KRT73: variants seen among roughly 807,000 people sequenced by gnomAD.
KRT73 encodes the protein keratin, type II cytoskeletal 73.
A neutral mutation model predicts 47.2 loss-of-function variants in KRT73; 44 were observed. The observed-to-expected ratio is 0.93, with a 90% CI of 0.73 to 1.20. The LOEUF (loss-of-function observed/expected upper bound fraction) is 1.20. KRT73 is among the 50% of genes most tolerant of loss of function. The pLI, the probability that KRT73 is intolerant of heterozygous loss-of-function variation, is 0.00. For missense variants in KRT73, 713 were observed against 704.5 expected (o/e 1.01, Z -0.14); for synonymous variants, 285 against 291.3 (o/e 0.98, Z 0.22).
chr12:52,619,825 A>G (rs1047317192), upstream of KRT73, among the ~76,000 whole-genome samples: 6 of 152,190 alleles, frequency 3.9e-5, no homozygotes, highest in African/African-American at 1.2e-4. Flanking sequence ...TATCCATAGT[A>G]TAGAATTTCC....
At chr12:52,615,247 G>T (rs759622318) in intron 3 of KRT73, 32 bp downstream of exon 3, 38 of 1,594,348 alleles carry the variant, frequency 2.4e-5, no homozygotes, top group Non-Finnish European at 2.8e-5. Flanking sequence ...CCACTGCTGG[G>T]GGACTGAAGG....
At chr12:52,624,220 C>T in the KRT73 span, among the ~76,000 whole-genome samples, 1 of 151,832 alleles carries the variant, frequency 6.6e-6, no homozygotes, top group Non-Finnish European at 1.5e-5. Flanking sequence ...GAAGACATTC[C>T]TAATGTTTAT....
chr12:52,618,879 G>T (rs1940863213), upstream of KRT73, among the ~76,000 whole-genome samples: 1 of 152,246 alleles, frequency 6.6e-6, no homozygotes, highest in African/African-American at 2.4e-5. Flanking sequence ...GCCTGGGATT[G>T]TAGGGGTACA....
At chr12:52,618,683 C>T, upstream of KRT73, 1 of 689,252 alleles carries the variant, frequency 1.5e-6, no homozygotes, top group East Asian at 2.8e-5. Context: ...CATTTTCTCC[C>T]AGCAAAATCA....
In KRT73 at chr12:52,608,388, A is replaced by G. The variant is rs1453538435; in HGVS notation, c.1431T>C (p.Ala477=). 1.9e-6 allele frequency: 3 copies of G among 1,612,892 alleles called. No individual in the cohort carries two copies. Among genetic ancestry groups the G allele is most frequent in the Admixed American group, 3.3e-5 (2 of 60,000 alleles). Reference sequence around the variant, plus strand: ...AGCTGGGCCAGTAGCCGTAGGTGCCAGCATTGCTGAATCCAAAGCCAGCCC... The same window carrying G: ...AGCTGGGCCAGTAGCCGTAGGTGCCGGCATTGCTGAATCCAAAGCCAGCCC... The part of the protein sequence containing the change: ...GTGAGFGFSN[A]GTYGYWPSSV... Residue 477 remains alanine, a synonymous_variant, in exon 9 of 9, where the codon GCT becomes GCC. Transcript: ENST00000305748.
upstream of KRT73, among the ~76,000 whole-genome samples, chr12:52,620,621 A>G (rs1177194921): frequency 3.9e-5 from 6 of 152,192 alleles, no homozygotes; most frequent in Non-Finnish European, 7.3e-5. Context: ...AATGGCATTT[A>G]TGCTGTGAAT....
the KRT73 span, among the ~76,000 whole-genome samples, chr12:52,627,798 A>C: frequency 6.6e-6 from 1 of 152,198 alleles, no homozygotes; most frequent in African/African-American, 2.4e-5. Context: ...GAGAGGAAAC[A>C]AGGGTCCTTT....
chr12:52,608,150 C>A lies in KRT73; in HGVS notation c.*46G>T. 6.4e-7 allele frequency: 1 copy of A among 1,564,966 alleles called. No individual in the cohort carries two copies. The highest frequency in any genetic ancestry group is 1.2e-5 in the South Asian group (1 of 81,886). ...ATTTCCTAGAAGAGTCCGGAGCAGT[C>A]TGCCAGGGCAAGGCAGACTACTGGG... On this transcript the variant is annotated 3_prime_UTR_variant, in exon 9 of 9. Coordinates refer to ENST00000305748, the MANE Select transcript of KRT73 (RefSeq NM_175068.3).
intron 1 of KRT73, among the ~76,000 whole-genome samples, chr12:52,616,888 T>C (rs954726768): frequency 2.0e-5 from 3 of 152,222 alleles, no homozygotes; most frequent in Non-Finnish European, 4.4e-5. Flanking sequence ...CCTAAGTTGC[T>C]TTCATGTCTG....
upstream of KRT73, among the ~76,000 whole-genome samples, chr12:52,618,882 G>A (rs1169168145): frequency 6.6e-6 from 1 of 152,226 alleles, no homozygotes; most frequent in Admixed American, 6.5e-5. Flanking sequence ...TGGGATTGTA[G>A]GGGTACAGAG....
In KRT73 at chr12:52,618,500, A is replaced by C; in HGVS notation, c.25T>G (p.Ser9Ala). The C allele has an allele frequency of 6.2e-7, 1 of 1,605,724 alleles. No homozygotes were observed. The highest frequency in any genetic ancestry group is 8.5e-7 in the Non-Finnish European group (1 of 1,175,482). The change falls in exon 1 of 9, where the codon TCG (serine) becomes GCG (alanine). Residue 9 changes from serine (S) to alanine (A), a missense_variant. Ser to Ala is a moderately conservative substitution (Grantham distance 99). Coordinates refer to ENST00000305748, the MANE Select transcript of KRT73 (RefSeq NM_175068.3). Reference sequence around the variant, plus strand: ...AAGCCCCCCTTGGCAGCAGCTCCCGACTTGTAGGTGAATTGGCGGCTCATG... The same window carrying C: ...AAGCCCCCCTTGGCAGCAGCTCCCGCCTTGTAGGTGAATTGGCGGCTCATG... MSRQFTYKSGAAAKGGFSG... is the reference protein window; with the variant it reads MSRQFTYKAGAAAKGGFSG...
At position 52,610,758 on chromosome 12, in the gene KRT73, C is replaced by G. The variant is rs1343708611; in HGVS notation, c.1188G>C (p.Leu396=). 1 of 1,613,986 alleles carries G rather than the reference C, an allele frequency of 6.2e-7. No individual in the cohort carries two copies. The highest frequency in any genetic ancestry group is 1.7e-5 in the Admixed American group (1 of 60,026). The change falls in exon 7 of 9, where the codon CTG becomes CTC. Residue 396 remains leucine (L), a synonymous_variant. Transcript: ENST00000305748. ...DCALKDARAK[L]DELEGALQQA... ...GCTGCAGGGCGCCCTCCAGCTCATC[C>G]AGCTTGGCCCTGGCATCCTTGAGGG... is the stretch of plus-strand genomic sequence containing the variant.
At position 52,608,023 on chromosome 12, in the gene KRT73, A is replaced by G. The variant is rs981403024; in HGVS notation, c.*173T>C. ...GATGGGCTCCAGCTCTCAAATCCTG[A>G]TTCAACATTAACAAAGACTGAGGCA... On this transcript the variant is annotated 3_prime_UTR_variant, in exon 9 of 9. Transcript: ENST00000305748. 7 of 689,506 alleles carry G rather than the reference A, an allele frequency of 1.0e-5. No homozygotes were observed. Among genetic ancestry groups the G allele is most frequent in the Non-Finnish European group, 9.5e-6 (4 of 419,194 alleles). 42.7% of individuals were successfully genotyped at this position (689,506 alleles called of 1,614,324 possible). A position where few individuals can be genotyped will look rare whatever the true frequency, so the allele number is the denominator to read the frequency against.
At chr12:52,612,080 A>G (rs765122543) in intron 5 of KRT73, among the ~76,000 whole-genome samples, 23 of 152,180 alleles carry the variant, frequency 1.5e-4, no homozygotes, top group Middle Eastern at 3.2e-3. Context: ...TTGGTGCTCA[A>G]AAAAAGTCTG....
intron 7 of KRT73, 83 bp downstream of exon 7, chr12:52,610,532 C>G: frequency 5.0e-5 from 9 of 179,928 alleles, no homozygotes; most frequent in South Asian, 1.5e-4. Context: ...GCTCGCCGCC[C>G]CCTCCCCCCC....
chr12:52,618,563 T>C, upstream of KRT73: 1 of 1,544,990 alleles, frequency 6.5e-7, no homozygotes, highest in Non-Finnish European at 8.7e-7. Context: ...ATGCTGACCC[T>C]TAGCTGAGAT....
chr12:52,610,552 C>A, intron 7 of KRT73, 63 bp downstream of exon 7: 1 of 1,169,924 alleles, frequency 8.5e-7, no homozygotes, highest in Non-Finnish European at 1.2e-6. Flanking sequence ...CGCCCCCAAC[C>A]ACACTCTGGG....
At chr12:52,613,652 C>T (rs1281099549) in intron 5 of KRT73, 36 bp downstream of exon 5, 1 of 1,611,888 alleles carries the variant, frequency 6.2e-7, no homozygotes, top group African/African-American at 1.3e-5. Context: ...GCAGAGGGCC[C>T]TGCATACTTC....
intron 8 of KRT73, among the ~76,000 whole-genome samples, chr12:52,608,896 G>A (rs1190674487): frequency 1.3e-5 from 2 of 152,190 alleles, no homozygotes; most frequent in Non-Finnish European, 2.9e-5. Context: ...CCACACACCA[G>A]TCTCCACTCC....
Sources: allele counts gnomAD v4.1 joint callset (sites outside exome capture counted in the v4.1 genomes callset), GRCh38; gene constraint gnomAD v4.1.1; transcripts MANE v1.5; gene names NCBI Gene and HGNC (gene_info 2026-07-23, HGNC 2026-07-21).